HIPK2: variants seen among roughly 807,000 people sequenced by gnomAD.
The protein encoded by HIPK2 is homeodomain-interacting protein kinase 2.
A neutral mutation model predicts 113.7 loss-of-function variants in HIPK2; 27 were observed. The observed-to-expected ratio is 0.24, with a 90% CI of 0.17 to 0.33. The LOEUF (loss-of-function observed/expected upper bound fraction) is 0.33. HIPK2 is among the 10% of genes least tolerant of loss of function. HIPK2 has a pLI of 1.00. For synonymous variants in HIPK2, 631 were observed against 642.2 expected, an observed-to-expected ratio of 0.98 and a Z score of 0.26; for missense variants, 1,257 against 1,588.0, an observed-to-expected ratio of 0.79 and a Z score of 3.54.
At chr7:139,695,278 G>A (rs1319118246) in intron 2 of HIPK2, among the ~76,000 whole-genome samples, 28 of 152,180 alleles carry the variant, frequency 1.8e-4, no homozygotes, top group Admixed American at 1.4e-3. Flanking sequence ...CGTGGTCCTC[G>A]TCATCAAAGT....
chr7:139,708,140 ACACTACACC>A (rs1356167020), intron 2 of HIPK2, among the ~76,000 whole-genome samples: 1 of 152,082 alleles, frequency 6.6e-6, no homozygotes, highest in African/African-American at 2.4e-5. Flanking sequence ...CACAGGGTCT[ACACTACACC>A]CTGGTGGGCT....
intron 6 of HIPK2, among the ~76,000 whole-genome samples, chr7:139,623,405 G>C (rs559752633): frequency 1.3e-5 from 2 of 151,832 alleles, no homozygotes; most frequent in South Asian, 4.2e-4. Flanking sequence ...AGCTACTCGG[G>C]AGGCTGAGGC....
intron 2 of HIPK2, among the ~76,000 whole-genome samples, chr7:139,663,374 A>T (rs1408609450): frequency 6.6e-6 from 1 of 152,174 alleles, no homozygotes; most frequent in Non-Finnish European, 1.5e-5. Flanking sequence ...AGTGCAATGC[A>T]GCTGGAGAGT....
chr7:139,762,964 G>A (rs1309019779), intron 1 of HIPK2, among the ~76,000 whole-genome samples: 1 of 152,212 alleles, frequency 6.6e-6, no homozygotes, highest in Admixed American at 6.5e-5. Flanking sequence ...GGAGGATCAG[G>A]GAAAGCCTCC....
chr7:139,758,216 G>A (rs374479030), intron 1 of HIPK2, among the ~76,000 whole-genome samples: 30 of 152,124 alleles, frequency 2.0e-4, no homozygotes, highest in African/African-American at 6.5e-4. Flanking sequence ...GAAGAGCAAC[G>A]AGGGAGAACT....
chr7:139,673,200 GAGAGA>G (rs1377044697), intron 2 of HIPK2, among the ~76,000 whole-genome samples: 1 of 151,876 alleles, frequency 6.6e-6, no homozygotes, highest in Non-Finnish European at 1.5e-5. Context: ...GGCCCGTGGA[GAGAGA>G]AGAGAGTGCA....
intron 1 of HIPK2, among the ~76,000 whole-genome samples, chr7:139,747,946 G>A (rs1796215702): frequency 6.6e-6 from 1 of 152,220 alleles, no homozygotes; most frequent in Admixed American, 6.5e-5. Context: ...TGGGAGAGAG[G>A]GTGGACCGAG....
chr7:139,665,127 T>A (rs1214898213), intron 2 of HIPK2, among the ~76,000 whole-genome samples: 2 of 151,250 alleles, frequency 1.3e-5, no homozygotes, highest in Non-Finnish European at 2.9e-5. Flanking sequence ...AGCCTAGACC[T>A]CCTGCGCTTA....
At position 139,631,100 on chromosome 7, in the gene HIPK2, G is replaced by A; in HGVS notation, c.1347+65C>T. The A allele has an allele frequency of 6.5e-7, 1 of 1,533,968 alleles. No individual in the cohort carries two copies. Among genetic ancestry groups the A allele is most frequent in the South Asian group, 1.2e-5 (1 of 81,660 alleles). ...ACTGAATCAAAAGCTCCCCACTAAT[G>A]GGTCTACGGCCCTCTTCCCTAAGCG... On this transcript the variant is annotated intron_variant, in intron 4 of 14. Transcript: ENST00000406875. The surrounding 1 kb of genome is among the most constrained non-coding windows in gnomAD (Gnocchi z 4.9).
intron 1 of HIPK2, among the ~76,000 whole-genome samples, chr7:139,744,496 C>T (rs369109900): frequency 1.1e-4 from 16 of 152,280 alleles, no homozygotes; most frequent in African/African-American, 3.1e-4. Flanking sequence ...GACAGTGGTG[C>T]CTGATGTACA....
In HIPK2 at chr7:139,662,435, C is replaced by A. The variant is rs980416607; in HGVS notation, c.1104-30710G>T. 3.3e-5 allele frequency among the ~76,000 whole-genome samples: 5 copies of A among 152,228 alleles called. No homozygotes were observed. The East Asian group carries it at 7.7e-4, about 24-fold the overall frequency. ...TTCCTCAGTGAGGTCACATGGGTAC[C>A]CTGTGGTCTTTCTATCGTTGCTTAT... On this transcript the variant is annotated intron_variant, in intron 2 of 14. Transcript: ENST00000406875.
chr7:139,705,826 TAAAA>T (rs1010543995), intron 2 of HIPK2, among the ~76,000 whole-genome samples: 2 of 105,344 alleles, frequency 1.9e-5, no homozygotes, highest in Admixed American at 9.8e-5. Flanking sequence ...AAAAGATTAG[TAAAA>T]AAAAAAAAAA....
rs942079178 is a variant in HIPK2, at chr7:139,769,047, G to C, written c.19+8558C>G. On this transcript the variant is annotated intron_variant, in intron 1 of 14. Coordinates refer to ENST00000406875, the MANE Select transcript of HIPK2 (RefSeq NM_022740.5). ...TGAAATGCGAGTGAGCCTACAAAAA[G>C]AGATTCTTTAGAAAAACAGAACATC... 1.4e-4 allele frequency among the ~76,000 whole-genome samples: 22 copies of C among 152,234 alleles called. 1 individual carries two copies.
intron 1 of HIPK2, among the ~76,000 whole-genome samples, chr7:139,727,935 ATTT>A (rs10524758): frequency 6.9e-5 from 8 of 116,648 alleles, no homozygotes; most frequent in Non-Finnish European, 1.0e-4. Flanking sequence ...GCATTGGCTA[ATTT>A]TTTTTTTTTT....
At chr7:139,602,821 C>T (rs1031061817) in intron 10 of HIPK2, among the ~76,000 whole-genome samples, 2 of 152,212 alleles carry the variant, frequency 1.3e-5, no homozygotes, top group Admixed American at 6.5e-5. Context: ...TGTATTTTAT[C>T]TTACTTTAAA....
chr7:139,761,676 A>G (rs1313200404), intron 1 of HIPK2, among the ~76,000 whole-genome samples: 2 of 152,220 alleles, frequency 1.3e-5, no homozygotes, highest in African/African-American at 4.8e-5. Flanking sequence ...GGAAGTTACA[A>G]CCAGACATAG....
At chr7:139,615,946 G>T (rs893438730) in intron 7 of HIPK2, among the ~76,000 whole-genome samples, 1 of 144,726 alleles carries the variant, frequency 6.9e-6, no homozygotes. Context: ...GTGGGCATCA[G>T]TGTCTGTGTT....
In HIPK2 at chr7:139,720,904, C is replaced by T. The variant is rs7785226; in HGVS notation, c.20-3889G>A. On this transcript the variant is annotated intron_variant, in intron 1 of 14. Transcript: ENST00000406875. ...CTTGGTGGAAAGGCCGTCCACGGTGCAGAAGTGGAATTTTACAGAGGGGAA... is the reference window on the plus strand; with the variant it reads ...CTTGGTGGAAAGGCCGTCCACGGTGTAGAAGTGGAATTTTACAGAGGGGAA... Among the ~76,000 whole-genome samples, 262 of 152,232 alleles carry T rather than the reference C, an allele frequency of 1.7e-3. 1 individual carries two copies. Among genetic ancestry groups the T allele is most frequent in the African/African-American group, 5.6e-3 (234 of 41,536 alleles).
Position 139,562,028 on chromosome 7 carries a change from C to G in HIPK2, c.*10899G>C, listed in dbSNP as rs1797962414. 6.6e-6 allele frequency: 1 copy of G among 152,062 alleles called. No individual in the cohort carries two copies. The highest frequency in any genetic ancestry group is 2.4e-5 in the African/African-American group (1 of 41,390). 9.4% of individuals were successfully genotyped at this position (152,062 alleles called of 1,614,324 possible). A position where few individuals can be genotyped will look rare whatever the true frequency, so the allele number is the denominator to read the frequency against. On this transcript the variant is annotated 3_prime_UTR_variant, in exon 15 of 15. Coordinates refer to ENST00000406875, the MANE Select transcript of HIPK2 (RefSeq NM_022740.5). ...ACATTCTAAAGCCAAGTAAAATATC[C>G]ATTCTTATAACATACCTATAATATG...
Sources: gnomAD v4.1 joint callset for allele counts (sites outside exome capture counted in the v4.1 genomes callset) on GRCh38, gnomAD v4.1.1 for gene constraint, Gnocchi (gnomAD v3.1) non-coding constraint, MANE v1.5 for transcripts, NCBI Gene and HGNC (gene_info 2026-07-23, HGNC 2026-07-21) for gene names.